Variants in CCDC88C observed in about 807,000 individuals in gnomAD.
The protein encoded by CCDC88C is coiled-coil and HOOK domain protein 88C.
A neutral mutation model predicts 198.8 loss-of-function variants in CCDC88C; 131 were observed. The ratio of observed to expected loss-of-function variants is 0.66; its 90% CI spans 0.57 to 0.76. The LOEUF is 0.76. Among genes scored for constraint, CCDC88C ranks in the 30% least tolerant of loss-of-function variants. CCDC88C has a pLI of 0.00. For missense variants in CCDC88C, 2,553 were observed against 2,631.6 expected (o/e 0.97, Z 0.65); for synonymous variants, 1,166 against 1,114.7 (o/e 1.05, Z -0.92).
chr14:91,276,601 TTC>T (rs1555413867), intron 29 of CCDC88C, among the ~76,000 whole-genome samples: 1 of 152,256 alleles, frequency 6.6e-6, no homozygotes, highest in Non-Finnish European at 1.5e-5. Flanking sequence ...ACACTTTCTT[TTC>T]TGTGTCACTG....
chr14:91,417,559 T>C, intron 1 of CCDC88C, 72 bp downstream of exon 1: 1 of 1,433,212 alleles, frequency 7.0e-7, no homozygotes, highest in Admixed American at 2.0e-5. Flanking sequence ...GTGTCGGGTC[T>C]GCGGCGTCCC....
At chr14:91,274,594 C>G (rs553124696) in intron 29 of CCDC88C, among the ~76,000 whole-genome samples, 7 of 152,228 alleles carry the variant, frequency 4.6e-5, no homozygotes, top group Non-Finnish European at 1.0e-4. Flanking sequence ...CTGTCCCACA[C>G]AAACATCTGG....
At chr14:91,414,382 A>T (rs35420140) in intron 2 of CCDC88C, among the ~76,000 whole-genome samples, 13,960 of 152,260 alleles carry the variant, frequency 0.092, 806 homozygotes, top group Middle Eastern at 0.19. Flanking sequence ...TTTGAATCCC[A>T]GCTGGCTATG....
At chr14:91,279,111 G>A in intron 28 of CCDC88C, 127 bp downstream of exon 28, 1 of 733,526 alleles carries the variant, frequency 1.4e-6, no homozygotes, top group Admixed American at 2.3e-5. Flanking sequence ...TGTTTCCCAG[G>A]CTGGTTTCTA....
rs1443257427 is a variant in CCDC88C, at chr14:91,308,425, T to C, written c.2932A>G (p.Lys978Glu). The change falls in exon 17 of 30, where the codon AAG becomes GAG. Residue 978 changes from lysine to glutamate, a missense_variant. Coordinates refer to ENST00000389857, the MANE Select transcript of CCDC88C (RefSeq NM_001080414.4). Reference sequence around the variant, plus strand: ...ATCTGTGCTTCTAAGAGCACAATCTTTTCTTCTTTCATGGCTAGTGTTGTT... The same window carrying C: ...ATCTGTGCTTCTAAGAGCACAATCTCTTCTTCTTTCATGGCTAGTGTTGTT... ...LKTTLAMKEE[K>E]IVLLEAQMEE... The C allele has an allele frequency of 1.2e-6, 2 of 1,613,844 alleles. No individual in the cohort carries two copies. The highest frequency in any genetic ancestry group is 2.7e-5 in the African/African-American group (2 of 74,914).
intron 3 of CCDC88C, among the ~76,000 whole-genome samples, chr14:91,373,490 C>G (rs2139933621): frequency 6.6e-6 from 1 of 152,262 alleles, no homozygotes; most frequent in South Asian, 2.1e-4. Context: ...CCTCCTTAGC[C>G]CCCACTCGCT....
chr14:91,314,104 C>G lies in CCDC88C; in HGVS notation c.1712G>C (p.Trp571Ser). ...QEKDHLNRAM[W>S]SLRERSQVSS... ...GACCTGCGACCTCTCCCGCAGCGACCACATGGCTCGGTTGAGGTGGTCCTT... is the reference window on the plus strand; with the variant it reads ...GACCTGCGACCTCTCCCGCAGCGACGACATGGCTCGGTTGAGGTGGTCCTT... The change falls in exon 15 of 30, where the codon TGG (tryptophan) becomes TCG (serine). Residue 571 changes from tryptophan (W) to serine (S), a missense_variant. Physicochemically the swap from Trp to Ser is radical, Grantham distance 177 (BLOSUM62 -3). This residue lies in a region of CCDC88C where 1,260 missense variants were observed against 1,412.0 expected (regional missense o/e 0.89). Coordinates refer to ENST00000389857, the MANE Select transcript of CCDC88C (RefSeq NM_001080414.4). The G allele has an allele frequency of 6.2e-7, 1 of 1,613,620 alleles. No individual in the cohort carries two copies. The highest frequency in any genetic ancestry group is 8.5e-7 in the Non-Finnish European group (1 of 1,179,806).
At chr14:91,393,312 C>T (rs962246237) in intron 3 of CCDC88C, among the ~76,000 whole-genome samples, 30 of 152,146 alleles carry the variant, frequency 2.0e-4, no homozygotes, top group Non-Finnish European at 8.8e-5. Context: ...ATTCTGTCCG[C>T]AAGTAGGATG....
intron 14 of CCDC88C, among the ~76,000 whole-genome samples, chr14:91,315,411 G>A (rs1892048402): frequency 1.3e-5 from 2 of 152,146 alleles, no homozygotes; most frequent in Admixed American, 6.5e-5. Flanking sequence ...TCTCTTCCCC[G>A]GGGTCACGAC....
intron 19 of CCDC88C, 140 bp downstream of exon 19, chr14:91,305,625 C>G: frequency 1.4e-6 from 1 of 709,722 alleles, no homozygotes; most frequent in Non-Finnish European, 2.2e-6. Context: ...TACAGCGGGT[C>G]TCTATTAACA....
chr14:91,294,335 CA>C lies in CCDC88C; in HGVS notation c.3967-18del, dbSNP rs776710105. ...GGAGAGCAGCTAGAACACAGACCAA[CA>C]GCGTCTCAGACACCATGTGACCCGG... On this transcript the variant is annotated intron_variant, in intron 22 of 29. Transcript: ENST00000389857. 6.2e-6 allele frequency: 10 copies of C among 1,613,064 alleles called. No individual in the cohort carries two copies. In the South Asian group the frequency reaches 1.1e-4, roughly 18 times the overall value.
At chr14:91,296,320 C>T (rs1412327006) in intron 22 of CCDC88C, among the ~76,000 whole-genome samples, 1 of 152,256 alleles carries the variant, frequency 6.6e-6, no homozygotes, top group African/African-American at 2.4e-5. Context: ...CAAATCAGTC[C>T]TTCCCATGCA....
At chr14:91,321,328 C>G in intron 12 of CCDC88C, 24 bp from the exon 13 acceptor site, 1 of 1,548,934 alleles carries the variant, frequency 6.5e-7, no homozygotes, top group Non-Finnish European at 8.7e-7. Flanking sequence ...CCAGTCAGAG[C>G]CCAGTGGTCT....
At chr14:91,408,836 G>A (rs1408201448) in intron 2 of CCDC88C, 69 bp from the exon 3 acceptor site, 12 of 1,018,254 alleles carry the variant, frequency 1.2e-5, no homozygotes, top group African/African-American at 3.1e-5. Context: ...TCCCAGCCAC[G>A]ACCCAGCATC....
chr14:91,276,885 G>A (rs370205403), intron 29 of CCDC88C, among the ~76,000 whole-genome samples: 1 of 152,240 alleles, frequency 6.6e-6, no homozygotes, highest in East Asian at 1.9e-4. Context: ...GCAGTGTTTA[G>A]GGTGAGGAGC....
chr14:91,339,604 C>G lies in CCDC88C; in HGVS notation c.625-142G>C. 1.1e-6 allele frequency: 1 copy of G among 903,626 alleles called. No individual in the cohort carries two copies. The highest frequency in any genetic ancestry group is 1.7e-6 in the Non-Finnish European group (1 of 605,354). 56.0% of individuals were successfully genotyped at this position (903,626 alleles called of 1,614,324 possible). On this transcript the variant is annotated intron_variant, in intron 7 of 29. Coordinates refer to ENST00000389857, the MANE Select transcript of CCDC88C (RefSeq NM_001080414.4). This position sits in a 1 kb window ranked among gnomAD's most constrained non-coding sequence, Gnocchi z 5.8. ...AAACGAGGAGGAAGGTGGGAAAAGGCTGGCATGGGTTTTGAAAAGAGGTGA... is the reference window on the plus strand; with the variant it reads ...AAACGAGGAGGAAGGTGGGAAAAGGGTGGCATGGGTTTTGAAAAGAGGTGA...
chr14:91,361,403 T>A (rs550759750), intron 3 of CCDC88C, among the ~76,000 whole-genome samples: 1 of 152,270 alleles, frequency 6.6e-6, no homozygotes, highest in African/African-American at 2.4e-5. Context: ...TCTCAGACCA[T>A]CTCTGAGTCA....
intron 21 of CCDC88C, among the ~76,000 whole-genome samples, chr14:91,299,171 G>A (rs1169671613): frequency 6.6e-6 from 1 of 152,158 alleles, no homozygotes; most frequent in Non-Finnish European, 1.5e-5. Context: ...GTTTCTGTTT[G>A]AAGATACCTT....
At chr14:91,307,739 G>A (rs906316089) in intron 17 of CCDC88C, among the ~76,000 whole-genome samples, 4 of 152,250 alleles carry the variant, frequency 2.6e-5, no homozygotes, top group East Asian at 1.9e-4. Flanking sequence ...TTGAGAGCAC[G>A]TGTCGGGTGT....
Sources: gnomAD v4.1 joint callset for allele counts (sites outside exome capture counted in the v4.1 genomes callset) on GRCh38, gnomAD v4.1.1 for gene constraint, gnomAD v4.1.1 regional missense constraint, Gnocchi (gnomAD v3.1) non-coding constraint, MANE v1.5 for transcripts, NCBI Gene and HGNC (gene_info 2026-07-23, HGNC 2026-07-21) for gene names.